MED27: variants seen among roughly 807,000 people sequenced by gnomAD.
MED27 encodes mediator of RNA polymerase II transcription subunit 27.
MED27 carries 30 observed loss-of-function variants against 38.2 expected under a neutral mutation model. The ratio of observed to expected loss-of-function variants is 0.79; its 90% CI spans 0.59 to 1.07. MED27 has a LOEUF of 1.07. MED27 is among the 50% of genes least tolerant of loss of function. The pLI is 0.00. For missense variants in MED27, 289 were observed against 397.5 expected, an observed-to-expected ratio of 0.73 and a Z score of 2.32; for synonymous variants, 122 against 153.5, an observed-to-expected ratio of 0.79 and a Z score of 1.52.
chr9:131,930,714 C>T (rs992549580), intron 4 of MED27, among the ~76,000 whole-genome samples: 42 of 152,110 alleles, frequency 2.8e-4, no homozygotes, highest in African/African-American at 9.4e-4. Context: ...CAGAAAAACA[C>T]GTAATATTAT....
intron 2 of MED27, among the ~76,000 whole-genome samples, chr9:132,061,966 T>C (rs1178322336): frequency 6.6e-6 from 1 of 152,222 alleles, no homozygotes; most frequent in African/African-American, 2.4e-5. Flanking sequence ...CAAGCCGAGC[T>C]GTGAGTGGAA....
intron 2 of MED27, among the ~76,000 whole-genome samples, chr9:132,019,614 C>T (rs1391636860): frequency 6.6e-6 from 1 of 152,228 alleles, no homozygotes; most frequent in Non-Finnish European, 1.5e-5. Flanking sequence ...ATCTTCCCCC[C>T]TACCCACAAC....
intron 3 of MED27, among the ~76,000 whole-genome samples, chr9:131,995,138 A>G (rs968994247): frequency 1.4e-4 from 22 of 152,126 alleles, no homozygotes; most frequent in Admixed American, 7.9e-4. Flanking sequence ...AAAAGATTGG[A>G]AAGTCAGGAC....
chr9:132,014,212 G>A (rs1007550578), intron 3 of MED27, 125 bp downstream of exon 3: 51 of 1,092,746 alleles, frequency 4.7e-5, no homozygotes, highest in Non-Finnish European at 6.4e-5. Flanking sequence ...GTAAGACTCC[G>A]TCTCAAAAAA....
chr9:131,863,157 A>C lies in MED27; in HGVS notation c.724-17T>G. The C allele has an allele frequency of 6.2e-7, 1 of 1,612,566 alleles. No individual in the cohort carries two copies. The highest frequency in any genetic ancestry group is 8.5e-7 in the Non-Finnish European group (1 of 1,178,652). On this transcript the variant is annotated splice_polypyrimidine_tract_variant and intron_variant, in intron 6 of 7. Coordinates refer to ENST00000292035, the MANE Select transcript of MED27 (RefSeq NM_004269.4). ...GTCTGTCACCTGAGAGTGAAGGACA[A>C]AGACGAGTTAGCGGCCACTCCAAGC...
chr9:131,941,716 A>G (rs1268232011), intron 3 of MED27, among the ~76,000 whole-genome samples: 5 of 151,768 alleles, frequency 3.3e-5, no homozygotes, highest in African/African-American at 4.8e-5. Flanking sequence ...AGCATCTCCT[A>G]TCTCTCAAAA....
At chr9:131,992,851 C>T (rs1832006445) in intron 3 of MED27, among the ~76,000 whole-genome samples, 1 of 152,184 alleles carries the variant, frequency 6.6e-6, no homozygotes, top group Non-Finnish European at 1.5e-5. Context: ...ACTACTGCCA[C>T]TCTAAACAAC....
intron 3 of MED27, among the ~76,000 whole-genome samples, chr9:131,992,482 C>A (rs1022907835): frequency 7.9e-5 from 12 of 152,160 alleles, no homozygotes; most frequent in Non-Finnish European, 1.5e-4. Flanking sequence ...ACTGCAACCT[C>A]GACCTCCTGG....
chr9:131,889,115 C>T lies in MED27; in HGVS notation c.681+4770G>A, dbSNP rs1029641764. 2.4e-4 allele frequency among the ~76,000 whole-genome samples: 37 copies of T among 152,178 alleles called. No individual in the cohort carries two copies. The highest frequency in any genetic ancestry group is 5.0e-4 in the Non-Finnish European group (34 of 68,030). On this transcript the variant is annotated intron_variant, in intron 5 of 7. Transcript: ENST00000292035. This position sits in a 1 kb window ranked among gnomAD's most constrained non-coding sequence, Gnocchi z 4.2. ...CATCTGATATCAAACAGGGCTGATG[C>T]CAACACTTATTAGAGAAATCAGATT...
At chr9:132,001,040 C>CATA (rs1832220958) in intron 3 of MED27, among the ~76,000 whole-genome samples, 1 of 151,714 alleles carries the variant, frequency 6.6e-6, no homozygotes, top group African/African-American at 2.4e-5. Flanking sequence ...TTTGCAGCTG[C>CATA]GGTGAGCTAT....
At chr9:131,925,509 T>C (rs758321273) in intron 4 of MED27, among the ~76,000 whole-genome samples, 12 of 152,220 alleles carry the variant, frequency 7.9e-5, no homozygotes, top group Non-Finnish European at 1.6e-4. Context: ...TAAATTAGTA[T>C]ATATTCTGAT....
At chr9:131,908,253 G>T (rs1381796556) in intron 4 of MED27, among the ~76,000 whole-genome samples, 2 of 146,788 alleles carry the variant, frequency 1.4e-5, no homozygotes, top group African/African-American at 2.5e-5. Context: ...GGAGGGAGGT[G>T]GGGGGGTCAG....
intron 3 of MED27, among the ~76,000 whole-genome samples, chr9:131,950,179 A>T (rs1589229104): frequency 6.6e-6 from 1 of 152,134 alleles, no homozygotes; most frequent in East Asian, 1.9e-4. Context: ...ATAATAAAAC[A>T]CCTGTGTTGA....
intron 4 of MED27, among the ~76,000 whole-genome samples, chr9:131,897,452 C>T (rs1388718661): frequency 1.3e-5 from 2 of 152,176 alleles, no homozygotes; most frequent in Non-Finnish European, 2.9e-5. Flanking sequence ...ACTTATGAGA[C>T]TGTTGGAAAT....
chr9:132,012,117 T>C (rs1564324155), intron 3 of MED27, among the ~76,000 whole-genome samples: 1 of 152,206 alleles, frequency 6.6e-6, no homozygotes, highest in East Asian at 1.9e-4. Context: ...AAGAGAGAGT[T>C]AGCAACAAAT....
At chr9:131,991,672 G>A (rs1267793472) in intron 3 of MED27, among the ~76,000 whole-genome samples, 2 of 152,120 alleles carry the variant, frequency 1.3e-5, no homozygotes, top group East Asian at 3.8e-4. Context: ...GTTTAGGAAG[G>A]AACTAATAGT....
intron 3 of MED27, among the ~76,000 whole-genome samples, chr9:131,985,368 T>C (rs1296464716): frequency 6.6e-6 from 1 of 152,360 alleles, no homozygotes; most frequent in African/African-American, 2.4e-5. Context: ...AATCTCCTCA[T>C]TCTATGTGCT....
chr9:131,953,461 C>T (rs1470112701), intron 3 of MED27, among the ~76,000 whole-genome samples: 1 of 152,164 alleles, frequency 6.6e-6, no homozygotes, highest in Non-Finnish European at 1.5e-5. Context: ...TTTTTCATTT[C>T]AATATCTGTA....
At chr9:132,010,628 A>C (rs1409364285) in intron 3 of MED27, among the ~76,000 whole-genome samples, 2 of 152,266 alleles carry the variant, frequency 1.3e-5, no homozygotes, top group African/African-American at 4.8e-5. Context: ...ACTTGGAACC[A>C]ACCTAAATGT....
Sources: allele counts gnomAD v4.1 joint callset (sites outside exome capture counted in the v4.1 genomes callset), GRCh38; gene constraint gnomAD v4.1.1; non-coding constraint Gnocchi (gnomAD v3.1); transcripts MANE v1.5; gene names NCBI Gene and HGNC (gene_info 2026-07-23, HGNC 2026-07-21).